The following PPP2R3A variants were observed in gnomAD, a reference collection of about 807,000 sequenced individuals.
PPP2R3A encodes the protein protein phosphatase 2 regulatory subunit B''alpha.
Under a neutral mutation model 106.9 loss-of-function variants are expected in PPP2R3A, and 80 were observed. That is an observed-to-expected ratio of 0.75 (90% CI 0.62 to 0.90). PPP2R3A has a LOEUF of 0.90. Among genes scored for constraint, PPP2R3A ranks in the 40% least tolerant of loss-of-function variants. The pLI is 0.00. For missense variants in PPP2R3A, 1,386 were observed against 1,350.4 expected, an observed-to-expected ratio of 1.03 and a Z score of -0.41; for synonymous variants, 483 against 468.3, an observed-to-expected ratio of 1.03 and a Z score of -0.41.
intron 5 of PPP2R3A, among the ~76,000 whole-genome samples, chr3:136,069,303 A>C (rs894956590): frequency 2.0e-5 from 3 of 152,134 alleles, no homozygotes; most frequent in Non-Finnish European, 4.4e-5. Context: ...TTAGCCAGGC[A>C]TGGTGGCTCA....
chr3:136,037,791 C>G (rs1935137520), intron 3 of PPP2R3A, among the ~76,000 whole-genome samples: 1 of 152,160 alleles, frequency 6.6e-6, no homozygotes, highest in Non-Finnish European at 1.5e-5. Context: ...GTTGGCCATT[C>G]TTAGATCAAA....
At chr3:136,123,941 C>T (rs1370259747) in intron 13 of PPP2R3A, among the ~76,000 whole-genome samples, 1 of 152,170 alleles carries the variant, frequency 6.6e-6, no homozygotes, top group African/African-American at 2.4e-5. Flanking sequence ...AATATATATA[C>T]ACTGTTTCAT....
chr3:136,069,730 C>T (rs999836461), intron 5 of PPP2R3A, among the ~76,000 whole-genome samples: 2 of 152,010 alleles, frequency 1.3e-5, no homozygotes, highest in Non-Finnish European at 2.9e-5. Flanking sequence ...GATGACAAGC[C>T]AGTTAATAGA....
At chr3:136,068,728 T>G (rs182258722) in intron 5 of PPP2R3A, among the ~76,000 whole-genome samples, 1 of 152,334 alleles carries the variant, frequency 6.6e-6, no homozygotes, top group Admixed American at 6.5e-5. Context: ...CAAAAGCGTC[T>G]GCCTCCATGA....
At chr3:136,098,050 T>C (rs1937257024) in intron 10 of PPP2R3A, among the ~76,000 whole-genome samples, 1 of 152,230 alleles carries the variant, frequency 6.6e-6, no homozygotes. Flanking sequence ...CCTTTGTTCT[T>C]TAATAATAAT....
chr3:136,145,143 C>G lies in PPP2R3A; in HGVS notation c.3430C>G (p.Leu1144Val), dbSNP rs1939065827. 2 of 1,612,006 alleles carry G rather than the reference C, an allele frequency of 1.2e-6. No individual in the cohort carries two copies. Among genetic ancestry groups the G allele is most frequent in the Non-Finnish European group, 1.7e-6 (2 of 1,179,390 alleles). Residue 1144 changes from leucine to valine, a missense_variant, in exon 14 of 14, where the codon CTT becomes GTT. Transcript: ENST00000264977. ...SASLPEKCGK[L>V]QSVDEE ...AAGCCTTCCAGAGAAATGTGGAAAGCTTCAATCAGTGGATGAAGAATAGCT... is the reference window on the plus strand; with the variant it reads ...AAGCCTTCCAGAGAAATGTGGAAAGGTTCAATCAGTGGATGAAGAATAGCT...
chr3:136,011,555 T>C (rs1934075548), intron 2 of PPP2R3A, among the ~76,000 whole-genome samples: 1 of 152,220 alleles, frequency 6.6e-6, no homozygotes, highest in East Asian at 1.9e-4. Context: ...TCCACTATTT[T>C]AGCCAGGCTT....
chr3:136,027,879 T>C (rs904459641), intron 3 of PPP2R3A, among the ~76,000 whole-genome samples: 1 of 152,172 alleles, frequency 6.6e-6, no homozygotes, highest in African/African-American at 2.4e-5. Context: ...TGGAGGCAAG[T>C]AGGAGACCAA....
intron 1 of PPP2R3A, among the ~76,000 whole-genome samples, chr3:135,967,934 C>A (rs769346266): frequency 1.3e-5 from 2 of 152,128 alleles, no homozygotes; most frequent in Non-Finnish European, 2.9e-5. Flanking sequence ...GGAATAGATA[C>A]CAGTAGCACT....
intron 2 of PPP2R3A, among the ~76,000 whole-genome samples, chr3:136,005,833 A>G (rs1013423450): frequency 7.9e-5 from 12 of 152,222 alleles, no homozygotes; most frequent in African/African-American, 2.4e-4. Context: ...CTGTCTGCCC[A>G]TTGAAGAAAC....
intron 10 of PPP2R3A, among the ~76,000 whole-genome samples, chr3:136,094,406 G>T (rs933652953): frequency 2.6e-5 from 4 of 152,056 alleles, no homozygotes; most frequent in African/African-American, 9.7e-5. Flanking sequence ...TTAAAAAAAA[G>T]ACTTAGAATA....
At position 136,147,671 on chromosome 3, in the gene PPP2R3A, G is replaced by C. The variant is rs974412187; in HGVS notation, c.*2505G>C. 1 of 152,386 alleles carries C rather than the reference G, an allele frequency of 6.6e-6. No individual in the cohort carries two copies. Among genetic ancestry groups the C allele is most frequent in the African/African-American group, 2.4e-5 (1 of 41,430 alleles). 9.4% of individuals were successfully genotyped at this position (152,386 alleles called of 1,614,324 possible). On this transcript the variant is annotated 3_prime_UTR_variant, in exon 14 of 14. Coordinates refer to ENST00000264977, the MANE Select transcript of PPP2R3A (RefSeq NM_002718.5). ...CATGACCTTAATGCTAATTCAATGAGAAATGAGTTTAATAGCATAACATTA... is the reference window on the plus strand; with the variant it reads ...CATGACCTTAATGCTAATTCAATGACAAATGAGTTTAATAGCATAACATTA...
intron 5 of PPP2R3A, among the ~76,000 whole-genome samples, chr3:136,065,463 G>A (rs1465007212): frequency 1.3e-5 from 2 of 151,952 alleles, no homozygotes; most frequent in Admixed American, 6.6e-5. Context: ...AATTTTTTAC[G>A]TTTTTATTAT....
At chr3:136,073,060 C>T (rs572760854) in intron 6 of PPP2R3A, among the ~76,000 whole-genome samples, 1 of 152,276 alleles carries the variant, frequency 6.6e-6, no homozygotes, top group South Asian at 2.1e-4. Context: ...CTCCACCTCT[C>T]GGGTTCACGC....
chr3:136,102,141 T>C lies in PPP2R3A; in HGVS notation c.3062T>C (p.Leu1021Ser), dbSNP rs777814689. ...MGIEPLPFHD[L>S]LCQMLDLVKP... ...ATTGAGCCCTTGCCATTCCATGATT[T>C]ACTGTGCCAGATGCTTGACCTAGTG... Residue 1021 changes from leucine (L) to serine (S), a missense_variant, in exon 11 of 14, where the codon TTA (leucine) becomes TCA (serine). By Grantham distance (145) the Leu-to-Ser change is moderately radical. Coordinates refer to ENST00000264977, the MANE Select transcript of PPP2R3A (RefSeq NM_002718.5). 1 of 1,613,722 alleles carries C rather than the reference T, an allele frequency of 6.2e-7. No individual in the cohort carries two copies.
intron 6 of PPP2R3A, among the ~76,000 whole-genome samples, chr3:136,073,832 G>C (rs949515095): frequency 2.0e-5 from 3 of 152,232 alleles, no homozygotes; most frequent in Non-Finnish European, 4.4e-5. Flanking sequence ...CATTATTTCA[G>C]AGTACAGTGA....
intron 3 of PPP2R3A, among the ~76,000 whole-genome samples, chr3:136,032,609 A>T (rs985258013): frequency 3.3e-5 from 5 of 151,334 alleles, no homozygotes; most frequent in African/African-American, 1.2e-4. Context: ...CTCACTGCAG[A>T]CTGCAAGCTC....
intron 2 of PPP2R3A, among the ~76,000 whole-genome samples, chr3:136,007,120 A>C (rs1264936161): frequency 6.6e-6 from 1 of 152,244 alleles, no homozygotes; most frequent in Non-Finnish European, 1.5e-5. Flanking sequence ...ATGTTATCTC[A>C]AGCTCTCAAA....
At chr3:136,022,600 T>G in intron 2 of PPP2R3A, 1 of 205,060 alleles carries the variant, frequency 4.9e-6, no homozygotes, top group Non-Finnish European at 8.6e-6. Flanking sequence ...TCTTCTAGTT[T>G]GAGAAGAAAC....
Sources: allele counts gnomAD v4.1 joint callset (sites outside exome capture counted in the v4.1 genomes callset), GRCh38; gene constraint gnomAD v4.1.1; transcripts MANE v1.5; gene names NCBI Gene and HGNC (gene_info 2026-07-23, HGNC 2026-07-21).